The following DNAH7 variants were observed in gnomAD, a reference collection of about 807,000 sequenced individuals.
DNAH7 encodes dynein axonemal heavy chain 7, also known as axonemal beta dynein heavy chain 7.
Under a neutral mutation model 444.6 loss-of-function variants are expected in DNAH7, and 397 were observed. The ratio of observed to expected loss-of-function variants is 0.89; its 90% CI spans 0.82 to 0.97. DNAH7 has a LOEUF of 0.97. Ranked by LOEUF, DNAH7 falls within the 50% of genes least tolerant of loss-of-function variation. The pLI is 0.00. For synonymous variants in DNAH7, 1,636 were observed against 1,624.4 expected (o/e 1.01, Z -0.17); for missense variants, 4,902 against 4,800.8 (o/e 1.02, Z -0.62).
chr2:196,014,234 A>G (rs1036436443), intron 9 of DNAH7, among the ~76,000 whole-genome samples: 1 of 152,206 alleles, frequency 6.6e-6, no homozygotes, highest in Non-Finnish European at 1.5e-5. Context: ...TTGGTTTAAG[A>G]CAATAGAAAG....
chr2:195,931,295 T>G (rs1688677760), intron 21 of DNAH7, among the ~76,000 whole-genome samples: 1 of 152,218 alleles, frequency 6.6e-6, no homozygotes, highest in African/African-American at 2.4e-5. Context: ...TAAATTTGTT[T>G]GAGTTCATTG....
chr2:195,987,258 G>T, intron 13 of DNAH7, 65 bp from the exon 14 acceptor site: 5 of 1,276,160 alleles, frequency 3.9e-6, no homozygotes, highest in Non-Finnish European at 5.3e-6. Flanking sequence ...TCACAATTTT[G>T]CCATTCTCAT....
chr2:195,753,944 A>C (rs1693938635), intron 63 of DNAH7, among the ~76,000 whole-genome samples: 1 of 152,206 alleles, frequency 6.6e-6, no homozygotes, highest in African/African-American at 2.4e-5. Context: ...AATGCTGTAC[A>C]TGTCAAGTCC....
intron 42 of DNAH7, among the ~76,000 whole-genome samples, chr2:195,860,772 T>C (rs1446108929): frequency 6.6e-6 from 1 of 152,174 alleles, no homozygotes; most frequent in African/African-American, 2.4e-5. Context: ...CATTTGTTGT[T>C]TTATGTATTC....
chr2:195,986,144 A>G (rs1323246262), intron 14 of DNAH7, among the ~76,000 whole-genome samples: 4 of 152,060 alleles, frequency 2.6e-5, no homozygotes, highest in African/African-American at 7.2e-5. Context: ...CTCTCCCCCA[A>G]ACTCCATCTT....
chr2:195,889,900 G>A (rs1250119414), intron 31 of DNAH7, among the ~76,000 whole-genome samples: 1 of 152,040 alleles, frequency 6.6e-6, no homozygotes, highest in Admixed American at 6.6e-5. Flanking sequence ...GTCCCACAAT[G>A]ATATAATAAA....
intron 42 of DNAH7, among the ~76,000 whole-genome samples, chr2:195,860,467 G>A (rs561082932): frequency 2.0e-5 from 3 of 151,972 alleles, no homozygotes; most frequent in East Asian, 3.9e-4. Context: ...CAGCAGTCAC[G>A]GTGGGCACTG....
intron 57 of DNAH7, among the ~76,000 whole-genome samples, chr2:195,792,872 T>C (rs1300490648): frequency 1.3e-5 from 2 of 151,930 alleles, no homozygotes; most frequent in East Asian, 1.9e-4. Flanking sequence ...GAATAAAATA[T>C]TAACAGGAGA....
At chr2:195,806,914 A>C (rs1222325513) in intron 53 of DNAH7, 82 bp from the exon 54 acceptor site, 1 of 1,015,646 alleles carries the variant, frequency 9.8e-7, no homozygotes, top group Non-Finnish European at 1.5e-6. Flanking sequence ...AACTTTTAGA[A>C]TATATAAATG....
chr2:196,011,624 C>G (rs1262355665), intron 10 of DNAH7, among the ~76,000 whole-genome samples: 1 of 152,134 alleles, frequency 6.6e-6, no homozygotes, highest in Non-Finnish European at 1.5e-5. Flanking sequence ...TGTTTCTCCT[C>G]TGTGAGCTGA....
rs1692957198 is a variant in DNAH7 at position 195,987,047 on chromosome 2, A to T, written c.1754+19T>A. 1.9e-6 allele frequency: 3 copies of T among 1,559,682 alleles called. No individual in the cohort carries two copies. The highest frequency in any genetic ancestry group is 2.2e-5 in the Admixed American group (1 of 45,812). On this transcript the variant is annotated intron_variant, in intron 14 of 64. Coordinates refer to ENST00000312428, the MANE Select transcript of DNAH7 (RefSeq NM_018897.3). ...ACATCCCCTCCCAAAAAATAAAAAA[A>T]CCAGTATCACATAAATACCTTGTAT...
At chr2:196,056,435 AG>A (rs1286778402) in intron 2 of DNAH7, among the ~76,000 whole-genome samples, 4 of 150,812 alleles carry the variant, frequency 2.7e-5, no homozygotes, top group South Asian at 2.1e-4. Flanking sequence ...AAAAAAAAAA[AG>A]AAAAAAGAAA....
In DNAH7 at chr2:195,796,634, A is replaced by AC; in HGVS notation, c.10456dup (p.Val3486GlyfsTer16). The AC allele has an allele frequency of 6.2e-7, 1 of 1,614,178 alleles. No individual in the cohort carries two copies. The highest frequency in any genetic ancestry group is 8.5e-7 in the Non-Finnish European group (1 of 1,180,008). On this transcript the variant is annotated frameshift_variant, in exon 56 of 65. Transcript: ENST00000312428. LOFTEE classifies it high-confidence loss of function. ...GGTGGCAAGGTGACAATTCTGAAGA[A>AC]CAACCCATGTTCCTTCCTTGACAGC... is the stretch of plus-strand genomic sequence containing the variant.
At chr2:196,033,096 T>C (rs567556456) in intron 5 of DNAH7, among the ~76,000 whole-genome samples, 1 of 152,164 alleles carries the variant, frequency 6.6e-6, no homozygotes, top group Non-Finnish European at 1.5e-5. Flanking sequence ...GGAAAGGAAA[T>C]GATAAAAGAT....
chr2:195,912,480 A>G (rs1204788614), intron 24 of DNAH7, among the ~76,000 whole-genome samples: 4 of 152,294 alleles, frequency 2.6e-5, no homozygotes, highest in African/African-American at 9.6e-5. Context: ...GTCACACTGA[A>G]TGGGACCCTA....
chr2:195,856,131 C>T (rs1279757747), intron 44 of DNAH7, 140 bp from the exon 45 acceptor site: 1 of 757,362 alleles, frequency 1.3e-6, no homozygotes, highest in East Asian at 2.8e-5. Flanking sequence ...TTCCATATTT[C>T]CTGTTTCATC....
intron 19 of DNAH7, among the ~76,000 whole-genome samples, chr2:195,949,859 T>C (rs570377378): frequency 6.6e-6 from 1 of 152,332 alleles, no homozygotes; most frequent in Admixed American, 6.5e-5. Flanking sequence ...ATTGAGATAA[T>C]CATGTGGTTT....
intron 12 of DNAH7, among the ~76,000 whole-genome samples, chr2:196,000,258 ACTGTGGAAATGTCATAGATTAGAT>A (rs1415560127): frequency 6.6e-6 from 1 of 152,170 alleles, no homozygotes; most frequent in East Asian, 1.9e-4. Context: ...TCCAATAACT[ACTGTGGAAATGTCATAGATTAGAT>A]CTATGAGTTG....
chr2:196,044,449 G>A (rs1447640952), intron 5 of DNAH7, among the ~76,000 whole-genome samples: 2 of 150,242 alleles, frequency 1.3e-5, no homozygotes, highest in African/African-American at 4.9e-5. Flanking sequence ...GGGGGAAAGG[G>A]TGCAGGGGGG....
Sources: gnomAD v4.1 joint callset for allele counts (sites outside exome capture counted in the v4.1 genomes callset) on GRCh38, gnomAD v4.1.1 for gene constraint, MANE v1.5 for transcripts, NCBI Gene and HGNC (gene_info 2026-07-23, HGNC 2026-07-21) for gene names.